The following ST6GALNAC5 variants were observed in gnomAD, a reference collection of about 807,000 sequenced individuals.
ST6GALNAC5 encodes the protein ST6 N-acetylgalactosaminide alpha-2,6-sialyltransferase 5.
In ST6GALNAC5, 27 loss-of-function variants were observed where a neutral mutation model predicts 33.6. The observed-to-expected ratio is 0.80, with a 90% CI of 0.59 to 1.11. The LOEUF is 1.11. Among genes scored for constraint, ST6GALNAC5 ranks in the 50% least tolerant of loss-of-function variants. ST6GALNAC5 has a pLI of 0.00. For synonymous variants in ST6GALNAC5, 194 were observed against 171.2 expected (o/e 1.13, Z -1.04); for missense variants, 428 against 454.0 (o/e 0.94, Z 0.52).
At chr1:76,878,535 A>G (rs1344004749) in intron 2 of ST6GALNAC5, among the ~76,000 whole-genome samples, 4 of 152,130 alleles carry the variant, frequency 2.6e-5, no homozygotes, top group Non-Finnish European at 1.5e-5. Flanking sequence ...CCCTTTCCCC[A>G]GTGCACAGGT....
intron 3 of ST6GALNAC5, among the ~76,000 whole-genome samples, chr1:77,046,612 T>C (rs1047025441): frequency 2.6e-5 from 4 of 152,210 alleles, no homozygotes; most frequent in South Asian, 2.1e-4. Flanking sequence ...AGTCATGCAT[T>C]GACCTTTGCA....
chr1:76,952,343 C>T (rs1647782815), intron 2 of ST6GALNAC5, among the ~76,000 whole-genome samples: 1 of 151,984 alleles, frequency 6.6e-6, no homozygotes, highest in Non-Finnish European at 1.5e-5. Context: ...AGCCCTGACC[C>T]CCAATGTGAT....
intron 2 of ST6GALNAC5, among the ~76,000 whole-genome samples, chr1:76,917,948 C>CCACT (rs1360372794): frequency 6.6e-6 from 1 of 152,012 alleles, no homozygotes; most frequent in Admixed American, 6.6e-5. Flanking sequence ...TGGATGGGGC[C>CCACT]CACTCACATT....
At chr1:77,056,590 A>G (rs1015699819) in intron 4 of ST6GALNAC5, among the ~76,000 whole-genome samples, 16 of 152,254 alleles carry the variant, frequency 1.1e-4, no homozygotes, top group Middle Eastern at 3.2e-3. Context: ...GCGAACATTA[A>G]TAAAGCTGCC....
At chr1:76,962,302 C>T (rs140453238) in intron 2 of ST6GALNAC5, among the ~76,000 whole-genome samples, 1 of 152,238 alleles carries the variant, frequency 6.6e-6, no homozygotes, top group Non-Finnish European at 1.5e-5. Flanking sequence ...AGTTGAAAGA[C>T]AGTGAGGAGA....
intron 2 of ST6GALNAC5, among the ~76,000 whole-genome samples, chr1:76,917,335 A>G (rs1282408094): frequency 1.3e-5 from 2 of 152,192 alleles, no homozygotes; most frequent in African/African-American, 4.8e-5. Flanking sequence ...ACTTGCTGGC[A>G]ATATTAAACA....
At position 77,063,321 on chromosome 1, in the gene ST6GALNAC5, G is replaced by A. The variant is rs1652658160; in HGVS notation, c.*115G>A. The stretch of plus-strand genomic sequence containing the variant: ...AGCAGAAAACAGCTTCACTCCTCAG[G>A]AAGTACCATGGACAGACGCCTACCA... On this transcript the variant is annotated 3_prime_UTR_variant, in exon 5 of 5. Coordinates refer to ENST00000477717, the MANE Select transcript of ST6GALNAC5 (RefSeq NM_030965.3). 8 of 897,742 alleles carry A rather than the reference G, an allele frequency of 8.9e-6. No individual in the cohort carries two copies. The highest frequency in any genetic ancestry group is 1.4e-5 in the Non-Finnish European group (8 of 579,766). 55.6% of individuals were successfully genotyped at this position (897,742 alleles called of 1,614,324 possible).
rs746299516 is a variant in ST6GALNAC5 at position 77,063,243 on chromosome 1, C to T, written c.*37C>T. 2 of 1,576,188 alleles carry T rather than the reference C, an allele frequency of 1.3e-6. No individual in the cohort carries two copies. The highest frequency in any genetic ancestry group is 1.7e-5 in the Admixed American group (1 of 59,674). ...GCCAGACTGTAATCCCAGGTATTCA[C>T]TGCATCAGACACCGAGACACTGAAC... On this transcript the variant is annotated 3_prime_UTR_variant, in exon 5 of 5. Transcript: ENST00000477717.
intron 4 of ST6GALNAC5, among the ~76,000 whole-genome samples, chr1:77,060,856 A>G (rs1423575574): frequency 6.6e-6 from 1 of 152,186 alleles, no homozygotes; most frequent in East Asian, 1.9e-4. Flanking sequence ...TAAAATGTCC[A>G]AAACTTAGAT....
At chr1:76,908,769 T>C (rs773139460) in intron 2 of ST6GALNAC5, among the ~76,000 whole-genome samples, 122 of 152,248 alleles carry the variant, frequency 8.0e-4, no homozygotes, top group Non-Finnish European at 1.4e-3. Flanking sequence ...TTGTTCATCC[T>C]TGCATCTTCA....
At chr1:76,900,849 A>T (rs1318656930) in intron 2 of ST6GALNAC5, among the ~76,000 whole-genome samples, 1 of 152,158 alleles carries the variant, frequency 6.6e-6, no homozygotes, top group Non-Finnish European at 1.5e-5. Flanking sequence ...AATCACATTG[A>T]TTTGTTGAGA....
intron 2 of ST6GALNAC5, among the ~76,000 whole-genome samples, chr1:76,952,965 G>A (rs1396646653): frequency 6.6e-6 from 1 of 151,990 alleles, no homozygotes; most frequent in Non-Finnish European, 1.5e-5. Context: ...CTTTTGAGAT[G>A]ACTTTTTTCA....
intron 2 of ST6GALNAC5, among the ~76,000 whole-genome samples, chr1:76,899,580 C>A (rs1020970558): frequency 2.0e-5 from 3 of 152,180 alleles, no homozygotes; most frequent in Non-Finnish European, 4.4e-5. Context: ...CCACTGAAAC[C>A]TGGGTGAATA....
chr1:77,053,487 G>A (rs933874525), intron 4 of ST6GALNAC5, among the ~76,000 whole-genome samples: 2 of 152,134 alleles, frequency 1.3e-5, no homozygotes, highest in Non-Finnish European at 2.9e-5. Flanking sequence ...TCTACTCTCC[G>A]TAGTGCTATA....
At chr1:76,974,075 T>A (rs1027542529) in intron 2 of ST6GALNAC5, among the ~76,000 whole-genome samples, 2 of 152,124 alleles carry the variant, frequency 1.3e-5, no homozygotes, top group South Asian at 2.1e-4. Context: ...TAAAATGCCA[T>A]GTGCCATACT....
At chr1:77,057,848 G>T (rs1438421440) in intron 4 of ST6GALNAC5, among the ~76,000 whole-genome samples, 2 of 152,272 alleles carry the variant, frequency 1.3e-5, no homozygotes, top group East Asian at 1.9e-4. Context: ...GCTTGTTAGG[G>T]TTATGAGGTT....
chr1:77,024,474 C>A (rs1045416281), intron 2 of ST6GALNAC5, among the ~76,000 whole-genome samples: 2 of 152,172 alleles, frequency 1.3e-5, no homozygotes, highest in African/African-American at 4.8e-5. Context: ...GCGTGGAAGG[C>A]CAAGGACAGG....
intron 2 of ST6GALNAC5, among the ~76,000 whole-genome samples, chr1:76,989,453 C>A (rs1294237085): frequency 6.6e-6 from 1 of 152,006 alleles, no homozygotes. Flanking sequence ...AAATTCATGG[C>A]AAGACATTTG....
At chr1:76,885,212 T>C (rs1183760951) in intron 2 of ST6GALNAC5, among the ~76,000 whole-genome samples, 1 of 152,166 alleles carries the variant, frequency 6.6e-6, no homozygotes, top group Admixed American at 6.5e-5. Context: ...AAGAGTTTCC[T>C]CGCCTCATCC....
Sources: allele counts gnomAD v4.1 joint callset (sites outside exome capture counted in the v4.1 genomes callset), GRCh38; gene constraint gnomAD v4.1.1; transcripts MANE v1.5; gene names NCBI Gene and HGNC (gene_info 2026-07-23, HGNC 2026-07-21).